Variants in NAALADL2 observed in about 807,000 individuals in gnomAD.
NAALADL2 encodes the protein inactive N-acetylated-alpha-linked acidic dipeptidase-like protein 2.
A neutral mutation model predicts 87.2 loss-of-function variants in NAALADL2; 76 were observed. The observed-to-expected ratio is 0.87, with a 90% CI of 0.72 to 1.05. The LOEUF is 1.05. NAALADL2 is among the 50% of genes least tolerant of loss of function. The pLI is 0.00. For synonymous variants in NAALADL2, 354 were observed against 331.0 expected (o/e 1.07, Z -0.75); for missense variants, 1,089 against 945.8 (o/e 1.15, Z -1.99).
chr3:174,496,179 A>G (rs2108359507), intron 1 of NAALADL2, among the ~76,000 whole-genome samples: 1 of 152,212 alleles, frequency 6.6e-6, no homozygotes, highest in East Asian at 1.9e-4. Flanking sequence ...ACTATTTCCC[A>G]GCTCAGTCTG....
intron 3 of NAALADL2, among the ~76,000 whole-genome samples, chr3:174,749,663 T>C (rs1734630072): frequency 6.6e-6 from 1 of 152,170 alleles, no homozygotes; most frequent in South Asian, 2.1e-4. Context: ...TTTAATATTT[T>C]GCATTTTGAG....
chr3:174,722,084 T>C (rs1044865348), intron 2 of NAALADL2, among the ~76,000 whole-genome samples: 5 of 152,144 alleles, frequency 3.3e-5, no homozygotes, highest in African/African-American at 1.2e-4. Flanking sequence ...CTTTACTCCT[T>C]CTTTAGTTAT....
intron 5 of NAALADL2, among the ~76,000 whole-genome samples, chr3:175,349,088 C>G (rs1312285228): frequency 6.6e-6 from 1 of 150,936 alleles, no homozygotes; most frequent in Non-Finnish European, 1.5e-5. Context: ...TGTTGTTGTA[C>G]TATGGATATA....
intron 8 of NAALADL2, 35 bp from the exon 9 acceptor site, chr3:175,471,604 C>G: frequency 1.7e-6 from 2 of 1,189,564 alleles, no homozygotes; most frequent in Non-Finnish European, 2.4e-6. Context: ...ATTTATTTGT[C>G]TTACAGATAG....
At chr3:175,400,713 G>A (rs1016177927) in intron 5 of NAALADL2, among the ~76,000 whole-genome samples, 1 of 152,098 alleles carries the variant, frequency 6.6e-6, no homozygotes, top group African/African-American at 2.4e-5. Context: ...TATATTTTAT[G>A]TTGTACAATC....
intron 4 of NAALADL2, among the ~76,000 whole-genome samples, chr3:175,297,661 T>C (rs1476011503): frequency 6.6e-6 from 1 of 152,164 alleles, no homozygotes; most frequent in African/African-American, 2.4e-5. Flanking sequence ...ATTTTTAAAT[T>C]GCTCTGTGTT....
chr3:174,569,876 T>C (rs1423735864), intron 2 of NAALADL2, among the ~76,000 whole-genome samples: 1 of 152,090 alleles, frequency 6.6e-6, no homozygotes, highest in Non-Finnish European at 1.5e-5. Flanking sequence ...ACCATATATA[T>C]GAACTACTTA....
chr3:174,899,580 G>A (rs1209748179), intron 1 of NAALADL2, among the ~76,000 whole-genome samples: 1 of 152,118 alleles, frequency 6.6e-6, no homozygotes, highest in Non-Finnish European at 1.5e-5. Flanking sequence ...CATAATGTAA[G>A]TTTCCTGAGG....
intron 5 of NAALADL2, among the ~76,000 whole-genome samples, chr3:175,437,936 T>C (rs1421593997): frequency 6.6e-6 from 1 of 152,146 alleles, no homozygotes; most frequent in African/African-American, 2.4e-5. Context: ...AGCATTATGA[T>C]ATTTACTAGG....
At chr3:174,627,281 A>G (rs976852576) in intron 2 of NAALADL2, among the ~76,000 whole-genome samples, 7 of 152,196 alleles carry the variant, frequency 4.6e-5, no homozygotes, top group Non-Finnish European at 7.3e-5. Context: ...TACACGTCAT[A>G]GAGTTGAAAA....
At chr3:175,790,427 C>A (rs534669638) in intron 13 of NAALADL2, among the ~76,000 whole-genome samples, 8 of 152,254 alleles carry the variant, frequency 5.3e-5, no homozygotes, top group Admixed American at 1.3e-4. Flanking sequence ...TTATGTGACA[C>A]AAGCAGAGCC....
At chr3:175,078,736 A>C (rs1003532037) in intron 1 of NAALADL2, among the ~76,000 whole-genome samples, 7 of 152,222 alleles carry the variant, frequency 4.6e-5, no homozygotes, top group African/African-American at 1.7e-4. Flanking sequence ...TGTTTTTGAG[A>C]TTCATCCATT....
At chr3:175,455,555 T>C (rs1486831189) in intron 6 of NAALADL2, among the ~76,000 whole-genome samples, 1 of 152,112 alleles carries the variant, frequency 6.6e-6, no homozygotes, top group Non-Finnish European at 1.5e-5. Context: ...ATAAAAAGAA[T>C]ACGATTTAAT....
At chr3:174,557,700 GTT>G (rs35195211) in intron 2 of NAALADL2, among the ~76,000 whole-genome samples, 1 of 151,106 alleles carries the variant, frequency 6.6e-6, no homozygotes, top group African/African-American at 2.4e-5. Flanking sequence ...TACTAGAACT[GTT>G]TTTTTTTGTT....
intron 9 of NAALADL2, among the ~76,000 whole-genome samples, chr3:175,557,915 C>T (rs542233585): frequency 2.6e-4 from 40 of 152,130 alleles, no homozygotes; most frequent in Non-Finnish European, 5.1e-4. Flanking sequence ...CTAATCAGGG[C>T]CGGGCGCGGT....
intron 4 of NAALADL2, chr3:175,256,772 C>A: frequency 3.8e-6 from 1 of 266,160 alleles, no homozygotes; most frequent in Non-Finnish European, 7.0e-6. Context: ...GAGAAAATAC[C>A]TTAAGTCAGG....
chr3:174,845,173 G>C (rs887690977), intron 3 of NAALADL2, among the ~76,000 whole-genome samples: 2 of 152,184 alleles, frequency 1.3e-5, no homozygotes, highest in African/African-American at 4.8e-5. Context: ...TGGGCCAAGG[G>C]CTGACTGAAT....
intron 4 of NAALADL2, among the ~76,000 whole-genome samples, chr3:175,276,297 A>ATT (rs10645974): frequency 0.16 from 21,127 of 133,442 alleles, 2,279 homozygotes; most frequent in Non-Finnish European, 0.24. Context: ...CGCTTTGCAA[A>ATT]TTTTTTTTTT....
chr3:175,711,382 T>C (rs1034006711), intron 11 of NAALADL2, among the ~76,000 whole-genome samples: 10 of 151,846 alleles, frequency 6.6e-5, no homozygotes, highest in African/African-American at 2.4e-4. Flanking sequence ...AAAGAATCAA[T>C]TTTTTTAAAA....
Sources: gnomAD v4.1 joint callset for allele counts (sites outside exome capture counted in the v4.1 genomes callset) on GRCh38, gnomAD v4.1.1 for gene constraint, MANE v1.5 for transcripts, NCBI Gene and HGNC (gene_info 2026-07-23, HGNC 2026-07-21) for gene names.